The following FAM81B variants were observed in gnomAD, a reference collection of about 807,000 sequenced individuals.
FAM81B encodes the protein family with sequence similarity 81 member B, also known as protein FAM81B.
In FAM81B, 60 loss-of-function variants were observed where a neutral mutation model predicts 58.7. The observed-to-expected ratio is 1.02, with a 90% CI of 0.83 to 1.27. The LOEUF is 1.27. Among genes scored for constraint, FAM81B ranks in the 50% most tolerant of loss-of-function variants. The pLI, the probability that FAM81B is intolerant of heterozygous loss-of-function variation, is 0.00. For missense variants in FAM81B, 491 were observed against 522.0 expected (o/e 0.94, Z 0.58); for synonymous variants, 189 against 179.6 (o/e 1.05, Z -0.42).
rs548053565 is a variant in FAM81B at position 95,417,485 on chromosome 5, A to G, written c.538-2799A>G. 2.0e-5 allele frequency among the ~76,000 whole-genome samples: 3 copies of G among 152,328 alleles called. No individual in the cohort carries two copies. The East Asian group carries it at 5.8e-4, about 29-fold the overall frequency. On this transcript the variant is annotated intron_variant, in intron 4 of 9. Transcript: ENST00000283357. The stretch of plus-strand genomic sequence containing the variant: ...ACAGTGAGACTCTGTCTCTACAACA[A>G]CAACAACAAAATTAATAATAATAAA...
intron 6 of FAM81B, 23 bp downstream of exon 6, chr5:95,428,755 C>A: frequency 6.2e-7 from 1 of 1,613,374 alleles, no homozygotes; most frequent in Non-Finnish European, 8.5e-7. Context: ...AGATGGGACT[C>A]ATATTACGTG....
At chr5:95,437,039 C>T in intron 7 of FAM81B, 133 bp downstream of exon 7, 2 of 605,118 alleles carry the variant, frequency 3.3e-6, no homozygotes, top group South Asian at 2.3e-5. Context: ...TGAACTAACA[C>T]AGAGAATATT....
intron 7 of FAM81B, among the ~76,000 whole-genome samples, chr5:95,437,551 G>C (rs1056065018): frequency 2.6e-5 from 4 of 152,072 alleles, no homozygotes; most frequent in Non-Finnish European, 4.4e-5. Context: ...TGTTGAGGCT[G>C]GTCTCGAACT....
chr5:95,392,999 C>A, intron 2 of FAM81B, 102 bp downstream of exon 2: 1 of 1,039,944 alleles, frequency 9.6e-7, no homozygotes, highest in Non-Finnish European at 1.3e-6. Context: ...AAGAATAGTT[C>A]TCCCACATTT....
intron 6 of FAM81B, among the ~76,000 whole-genome samples, chr5:95,430,657 G>A (rs1744842845): frequency 2.0e-5 from 3 of 152,006 alleles, no homozygotes; most frequent in Admixed American, 1.3e-4. Context: ...TATGCGTATA[G>A]ATATATCTGT....
chr5:95,432,724 T>C (rs1312394847), intron 6 of FAM81B, among the ~76,000 whole-genome samples: 2 of 152,102 alleles, frequency 1.3e-5, no homozygotes, highest in Non-Finnish European at 2.9e-5. Flanking sequence ...TAATTCTCTC[T>C]GCTTTTATTT....
At chr5:95,445,818 C>T (rs563214816) in intron 7 of FAM81B, among the ~76,000 whole-genome samples, 1 of 152,206 alleles carries the variant, frequency 6.6e-6, no homozygotes, top group East Asian at 1.9e-4. Flanking sequence ...GGCTTTTCTC[C>T]TCCATTCTCC....
chr5:95,413,900 C>T lies in FAM81B; in HGVS notation c.294-47C>T, dbSNP rs764012887. 16 of 1,557,190 alleles carry T rather than the reference C, an allele frequency of 1.0e-5. 1 individual carries two copies. The South Asian group carries it at 1.7e-4, about 17-fold the overall frequency. ...TAGTTCTGGTTCCTGGCTCCTCCAG[C>T]TCATTCTTGTAATGCCCTGGTGTTT... On this transcript the variant is annotated intron_variant, in intron 3 of 9. Transcript: ENST00000283357.
chr5:95,426,122 ATG>A (rs1554045003), intron 5 of FAM81B, among the ~76,000 whole-genome samples: 1,505 of 92,616 alleles, frequency 0.016, 13 homozygotes, highest in East Asian at 0.027. Context: ...ATATATATAT[ATG>A]TACACATATA....
At chr5:95,393,649 A>G (rs1200103844) in intron 2 of FAM81B, among the ~76,000 whole-genome samples, 1 of 152,142 alleles carries the variant, frequency 6.6e-6, no homozygotes, top group African/African-American at 2.4e-5. Flanking sequence ...GAAGCTCCTC[A>G]CCTATAAAAA....
chr5:95,427,726 T>C (rs1762885978), intron 5 of FAM81B, among the ~76,000 whole-genome samples: 3 of 152,214 alleles, frequency 2.0e-5, no homozygotes, highest in Non-Finnish European at 2.9e-5. Flanking sequence ...AAAATAATCC[T>C]TGATAACTCA....
chr5:95,426,094 GTATA>G (rs57076025), intron 5 of FAM81B, among the ~76,000 whole-genome samples: 1,238 of 120,164 alleles, frequency 0.01, 10 homozygotes, highest in Non-Finnish European at 0.011. Context: ...ATCTCTGTGT[GTATA>G]TATATATATA....
At chr5:95,437,701 T>C (rs1745161767) in intron 7 of FAM81B, among the ~76,000 whole-genome samples, 2 of 152,158 alleles carry the variant, frequency 1.3e-5, no homozygotes, top group South Asian at 4.1e-4. Context: ...CTCCACTCAA[T>C]GGAGAAAGCA....
chr5:95,399,489 C>A (rs564336823), intron 3 of FAM81B, among the ~76,000 whole-genome samples: 3 of 151,940 alleles, frequency 2.0e-5, no homozygotes, highest in South Asian at 4.1e-4. Flanking sequence ...TGCCCCCCCC[C>A]ACCCACCTGT....
At chr5:95,432,330 G>A (rs1744934722) in intron 6 of FAM81B, among the ~76,000 whole-genome samples, 1 of 151,986 alleles carries the variant, frequency 6.6e-6, no homozygotes, top group Admixed American at 6.6e-5. Flanking sequence ...TTTTAAGTGA[G>A]ATTAACCTAT....
At chr5:95,399,551 C>A (rs988899687) in intron 3 of FAM81B, among the ~76,000 whole-genome samples, 1 of 151,470 alleles carries the variant, frequency 6.6e-6, no homozygotes, top group African/African-American at 2.4e-5. Context: ...TTGGGCATTA[C>A]CCATAGGGAC....
chr5:95,421,956 TA>T (rs1449918981), intron 5 of FAM81B, among the ~76,000 whole-genome samples: 1 of 152,160 alleles, frequency 6.6e-6, no homozygotes, highest in Non-Finnish European at 1.5e-5. Flanking sequence ...GGAGCAATTA[TA>T]ACAAGGAAGT....
chr5:95,417,249 A>G (rs1762561617), intron 4 of FAM81B, among the ~76,000 whole-genome samples: 1 of 152,154 alleles, frequency 6.6e-6, no homozygotes, highest in Non-Finnish European at 1.5e-5. Flanking sequence ...TTTCCACTTT[A>G]CCTATGCCAG....
intron 3 of FAM81B, among the ~76,000 whole-genome samples, chr5:95,407,408 A>ACG (rs1554043354): frequency 6.8e-6 from 1 of 147,306 alleles, no homozygotes; most frequent in Non-Finnish European, 1.5e-5. Flanking sequence ...ACACACACAC[A>ACG]CGCACACACA....
Sources: gnomAD v4.1 joint callset for allele counts (sites outside exome capture counted in the v4.1 genomes callset) on GRCh38, gnomAD v4.1.1 for gene constraint, MANE v1.5 for transcripts, NCBI Gene and HGNC (gene_info 2026-07-23, HGNC 2026-07-21) for gene names.